SCOC: variants seen among roughly 807,000 people sequenced by gnomAD.
The protein encoded by SCOC is short coiled coil protein.
A neutral mutation model predicts 9.9 loss-of-function variants in SCOC; 7 were observed. The observed-to-expected ratio is 0.71, with a 90% CI of 0.40 to 1.33. SCOC has a LOEUF of 1.33. SCOC is among the 40% of genes most tolerant of loss of function. The pLI, the probability that SCOC is intolerant of heterozygous loss-of-function variation, is 0.01. For missense variants in SCOC, 66 were observed against 89.7 expected, an observed-to-expected ratio of 0.74 and a Z score of 1.07; for synonymous variants, 19 against 28.2, an observed-to-expected ratio of 0.67 and a Z score of 1.03.
chr4:140,362,277 A>T (rs74186896), intron 2 of SCOC, among the ~76,000 whole-genome samples: 824 of 10,958 alleles, frequency 0.075, 90 homozygotes, highest in East Asian at 0.11. Flanking sequence ...GTGTGTCCTT[A>T]CTTCTTCTTC....
chr4:140,349,641 A>G (rs1188351544), intron 2 of SCOC, among the ~76,000 whole-genome samples: 1 of 152,198 alleles, frequency 6.6e-6, no homozygotes, highest in African/African-American at 2.4e-5. Context: ...TACGAAAGCT[A>G]GAAATCCATA....
chr4:140,291,565 C>A (rs1297482281), intron 1 of SCOC: 1 of 451,838 alleles, frequency 2.2e-6, no homozygotes, highest in Non-Finnish European at 4.5e-6. Context: ...GTTTGAAAAG[C>A]AACAGAACAA....
rs1460144781 is a variant in SCOC, at chr4:140,295,952, GAAAGA to G, written c.-19+38546_-19+38550del. On this transcript the variant is annotated intron_variant, in intron 1 of 4. Coordinates refer to the SCOC transcript ENST00000394205. ...TCTCAAAAAAAAAAAAAAAAAGAAA[GAAAGA>G]AAAAAAAAAAGAAAATCACCTGGAG... 1.4e-4 allele frequency among the ~76,000 whole-genome samples: 17 copies of G among 124,310 alleles called. No homozygotes were observed. In the East Asian group the frequency reaches 2.0e-3, roughly 15 times the overall value. 81.6% of individuals were successfully genotyped at this position (124,310 alleles called of 152,430 possible).
chr4:140,318,543 C>A (rs547283970), intron 1 of SCOC, among the ~76,000 whole-genome samples: 7 of 115,192 alleles, frequency 6.1e-5, no homozygotes, highest in African/African-American at 8.7e-5. Context: ...TCATCTCATA[C>A]CAGTTAGAAT....
At chr4:140,258,889 A>G (rs769330765) in intron 1 of SCOC, among the ~76,000 whole-genome samples, 1 of 152,176 alleles carries the variant, frequency 6.6e-6, no homozygotes, top group African/African-American at 2.4e-5. Context: ...TCATCCATGA[A>G]TGGCTTCTTG....
intron 2 of SCOC, chr4:140,366,145 C>T (rs1727782243): frequency 4.3e-6 from 2 of 468,902 alleles, no homozygotes; most frequent in East Asian, 3.5e-5. Context: ...CATTTTAGAG[C>T]CTTGCTTGCA....
chr4:140,325,872 C>A (rs1560701991), intron 1 of SCOC, among the ~76,000 whole-genome samples: 1 of 152,274 alleles, frequency 6.6e-6, no homozygotes, highest in East Asian at 1.9e-4. Flanking sequence ...TACAAAAATT[C>A]ATATAAAAAT....
intron 2 of SCOC, among the ~76,000 whole-genome samples, chr4:140,364,396 G>T (rs1352792850): frequency 1.3e-5 from 2 of 152,106 alleles, no homozygotes; most frequent in African/African-American, 2.4e-5. Flanking sequence ...GTTTCCAGAT[G>T]CCATTAAGAA....
At position 140,290,816 on chromosome 4, in the gene SCOC, A is replaced by AAAAC. The variant is rs573837393; in HGVS notation, c.-19+33423_-19+33426dup. On this transcript the variant is annotated intron_variant, in intron 1 of 4. Transcript: ENST00000394205. ...AAACATTGAGTGAGACTCTGTCTCAAAAACAAACAAACAAACAAACGAACA... is the reference window on the plus strand; with the variant it reads ...AAACATTGAGTGAGACTCTGTCTCAAAAACAAACAAACAAACAAACAAACGAACA... Among the ~76,000 whole-genome samples, 77 of 152,312 alleles carry AAAAC rather than the reference A, an allele frequency of 5.1e-4. 1 individual carries two copies. The South Asian group carries it at 0.01, about 21-fold the overall frequency.
intron 1 of SCOC, among the ~76,000 whole-genome samples, chr4:140,277,689 C>A (rs1731013842): frequency 6.6e-6 from 1 of 152,050 alleles, no homozygotes; most frequent in South Asian, 2.1e-4. Flanking sequence ...AGCATAAAAA[C>A]AAACAAAGTC....
At chr4:140,342,754 A>T (rs1380651147), upstream of SCOC, among the ~76,000 whole-genome samples, 1 of 152,216 alleles carries the variant, frequency 6.6e-6, no homozygotes, top group Non-Finnish European at 1.5e-5. Flanking sequence ...TCTGTATACA[A>T]ATGTGAACTA....
chr4:140,327,421 A>T (rs1732680786), intron 1 of SCOC, among the ~76,000 whole-genome samples: 1 of 114,300 alleles, frequency 8.7e-6, no homozygotes, highest in Non-Finnish European at 1.8e-5. Flanking sequence ...AATTCTTTCT[A>T]CTGTGCTTTC....
intron 2 of SCOC, among the ~76,000 whole-genome samples, chr4:140,363,212 A>G (rs949657456): frequency 2.6e-5 from 4 of 152,202 alleles, no homozygotes; most frequent in African/African-American, 4.8e-5. Context: ...AGCTGGGAGT[A>G]AGAGAGTCCT....
intron 1 of SCOC, among the ~76,000 whole-genome samples, chr4:140,313,937 G>T (rs181871224): frequency 1.9e-4 from 29 of 152,150 alleles, no homozygotes; most frequent in African/African-American, 7.0e-4. Context: ...AGACCAGCCT[G>T]GCCAACATGG....
chr4:140,313,760 A>C (rs1165837816), intron 1 of SCOC, among the ~76,000 whole-genome samples: 1 of 152,114 alleles, frequency 6.6e-6, no homozygotes, highest in Non-Finnish European at 1.5e-5. Flanking sequence ...AAAAGCAAAA[A>C]AGCCATCGTT....
chr4:140,296,790 A>G (rs1007967957), intron 1 of SCOC, among the ~76,000 whole-genome samples: 1 of 152,096 alleles, frequency 6.6e-6, no homozygotes, highest in African/African-American at 2.4e-5. Flanking sequence ...AAAAAAACCT[A>G]ATAATTCACT....
intron 2 of SCOC, among the ~76,000 whole-genome samples, chr4:140,356,056 T>C (rs1168511359): frequency 1.3e-5 from 2 of 152,200 alleles, no homozygotes; most frequent in Non-Finnish European, 2.9e-5. Context: ...TGTGAAAAGT[T>C]GTTTAGGAAA....
chr4:140,380,310 G>A (rs1728523484), intron 3 of SCOC, among the ~76,000 whole-genome samples: 1 of 146,688 alleles, frequency 6.8e-6, no homozygotes, highest in Admixed American at 7.2e-5. Flanking sequence ...CGATTCTCCT[G>A]TCTCAGCCTC....
At chr4:140,331,624 T>C (rs982091328) in intron 1 of SCOC, among the ~76,000 whole-genome samples, 8 of 152,316 alleles carry the variant, frequency 5.3e-5, no homozygotes, top group Middle Eastern at 3.4e-3. Context: ...CCCTTCCAAA[T>C]TGGCTGCTGC....
Sources: allele counts gnomAD v4.1 joint callset (sites outside exome capture counted in the v4.1 genomes callset), GRCh38; gene constraint gnomAD v4.1.1; transcripts MANE v1.5; gene names NCBI Gene and HGNC (gene_info 2026-07-23, HGNC 2026-07-21).